The following CUL5 variants were observed in gnomAD, a reference collection of about 807,000 sequenced individuals.
CUL5 encodes the protein cullin-5.
CUL5 carries 26 observed loss-of-function variants against 108.8 expected under a neutral mutation model. That is an observed-to-expected ratio of 0.24 (90% CI 0.18 to 0.33). The LOEUF (loss-of-function observed/expected upper bound fraction) is 0.33, where lower values mean the gene tolerates loss of function less well. Ranked by LOEUF, CUL5 falls within the 10% of genes least tolerant of loss-of-function variation. The pLI is 1.00. For synonymous variants in CUL5, 334 were observed against 298.0 expected, an observed-to-expected ratio of 1.12 and a Z score of -1.25; for missense variants, 524 against 909.2, an observed-to-expected ratio of 0.58 and a Z score of 5.45.
rs115826471 is a variant in CUL5 at position 108,098,260 on chromosome 11, C to T, written c.2025-146C>T. On this transcript the variant is annotated intron_variant, in intron 17 of 18. Transcript: ENST00000393094. ...AAAATACATAGAGTTTGTTTTAAAGCAATATGTAGGTTATTTGTCATTTAA... is the reference window on the plus strand; with the variant it reads ...AAAATACATAGAGTTTGTTTTAAAGTAATATGTAGGTTATTTGTCATTTAA... The T allele has an allele frequency of 2.1e-4, 133 of 637,006 alleles. No homozygotes were observed. In the African/African-American group the frequency reaches 2.4e-3, roughly 12 times the overall value. The allele number at this position is 637,006 out of a possible 1,614,324, so 39.5% of individuals were successfully genotyped here.
chr11:108,076,353 A>G (rs1481027213), intron 10 of CUL5, among the ~76,000 whole-genome samples: 2 of 152,094 alleles, frequency 1.3e-5, no homozygotes, highest in Non-Finnish European at 2.9e-5. Context: ...TTTACTACCT[A>G]TAGTTCTCAT....
intron 3 of CUL5, among the ~76,000 whole-genome samples, chr11:108,046,767 ACT>A (rs1387292945): frequency 6.6e-6 from 1 of 152,080 alleles, no homozygotes. Flanking sequence ...ATTTATTTAG[ACT>A]GTCCTTTGTA....
chr11:108,028,035 A>T (rs1245639368), intron 1 of CUL5, among the ~76,000 whole-genome samples: 1 of 152,144 alleles, frequency 6.6e-6, no homozygotes, highest in Non-Finnish European at 1.5e-5. Flanking sequence ...CTCCATCTTT[A>T]TGTATCACTT....
chr11:108,084,208 G>C (rs1864170168), intron 11 of CUL5, among the ~76,000 whole-genome samples: 1 of 152,128 alleles, frequency 6.6e-6, no homozygotes. Flanking sequence ...AGAACAACTA[G>C]AAAATCAGGT....
Position 108,046,357 on chromosome 11 carries a change from G to A in CUL5, c.222G>A (p.Lys74=). ...AAGAAGATATTCTTGAGTTTATTAAGCAAGCACAGGCAGTAAGTTCTACAT... is the reference window on the plus strand; with the variant it reads ...AAGAAGATATTCTTGAGTTTATTAAACAAGCACAGGCAGTAAGTTCTACAT... ...ALKEDILEFI[K]QAQARVLSHQ... Residue 74 remains lysine (K), a synonymous_variant, in exon 3 of 19, where the codon AAG becomes AAA. Coordinates refer to ENST00000393094, the MANE Select transcript of CUL5 (RefSeq NM_003478.6). The A allele has an allele frequency of 3.7e-6, 6 of 1,600,080 alleles. No individual in the cohort carries two copies. Among genetic ancestry groups the A allele is most frequent in the Non-Finnish European group, 4.3e-6 (5 of 1,168,218 alleles).
At chr11:108,061,123 GT>G (rs1392062729) in intron 7 of CUL5, among the ~76,000 whole-genome samples, 1 of 152,120 alleles carries the variant, frequency 6.6e-6, no homozygotes, top group Non-Finnish European at 1.5e-5. Context: ...ATGGCAAAAA[GT>G]TTTTTTCTTC....
At chr11:108,051,076 G>A (rs1863208423) in intron 4 of CUL5, among the ~76,000 whole-genome samples, 1 of 152,148 alleles carries the variant, frequency 6.6e-6, no homozygotes, top group Non-Finnish European at 1.5e-5. Context: ...CATTACAATA[G>A]TGTAACCTGG....
At chr11:108,048,648 CTTTT>C (rs200991204) in intron 3 of CUL5, among the ~76,000 whole-genome samples, 3 of 116,864 alleles carry the variant, frequency 2.6e-5, no homozygotes, top group Non-Finnish European at 5.1e-5. Flanking sequence ...ACTCCACCAC[CTTTT>C]TTTTTTTTTT....
chr11:108,016,089 A>G (rs188391176), intron 1 of CUL5, among the ~76,000 whole-genome samples: 3 of 151,910 alleles, frequency 2.0e-5, no homozygotes, highest in East Asian at 1.9e-4. Flanking sequence ...AGGTCTGGCT[A>G]ATTTTTTATA....
intron 7 of CUL5, among the ~76,000 whole-genome samples, chr11:108,056,059 A>G (rs1385406195): frequency 6.6e-6 from 1 of 152,222 alleles, no homozygotes; most frequent in Non-Finnish European, 1.5e-5. Context: ...GATTATGGGC[A>G]TGAGCCACAA....
chr11:108,065,291 G>A (rs1205141769), intron 7 of CUL5, among the ~76,000 whole-genome samples: 1 of 152,112 alleles, frequency 6.6e-6, no homozygotes, highest in East Asian at 1.9e-4. Context: ...GCAAAGTGCT[G>A]GGATTACAGG....
chr11:108,019,560 C>G (rs187628999), intron 1 of CUL5, among the ~76,000 whole-genome samples: 2 of 152,246 alleles, frequency 1.3e-5, no homozygotes, highest in East Asian at 3.9e-4. Flanking sequence ...TTCCTATTGT[C>G]TGGCAATGTT....
chr11:108,088,377 G>C (rs1368089195), intron 11 of CUL5, 150 bp from the exon 12 acceptor site: 12 of 717,424 alleles, frequency 1.7e-5, no homozygotes, highest in Non-Finnish European at 2.4e-5. Context: ...CCCTAAATTA[G>C]GCACCCTAGG....
At chr11:108,074,615 A>G (rs911658342) in intron 10 of CUL5, among the ~76,000 whole-genome samples, 1 of 151,852 alleles carries the variant, frequency 6.6e-6, no homozygotes, top group Admixed American at 6.6e-5. Context: ...GATCAGCCTG[A>G]TCAACATGGA....
At position 108,107,246 on chromosome 11, in the gene CUL5, CTTTTTA is replaced by C. The variant is rs919615182; in HGVS notation, c.*2865_*2870del. The stretch of plus-strand genomic sequence containing the variant: ...TGAAATGTTAGCTTTCTTTCTTTTA[CTTTTTA>C]TTAAATTTAATAGAAAATATGACCT... On this transcript the variant is annotated 3_prime_UTR_variant, in exon 19 of 19. Transcript: ENST00000393094. 9 of 152,130 alleles carry C rather than the reference CTTTTTA, an allele frequency of 5.9e-5. No individual in the cohort carries two copies. Among genetic ancestry groups the C allele is most frequent in the Admixed American group, 5.9e-4 (9 of 15,242 alleles). 9.4% of individuals were successfully genotyped at this position (152,130 alleles called of 1,614,324 possible).
rs1024980617 is a variant in CUL5 at position 108,104,838 on chromosome 11, C to G, written c.*454C>G. The G allele has an allele frequency of 3.9e-5, 6 of 152,718 alleles. No individual in the cohort carries two copies. Among genetic ancestry groups the G allele is most frequent in the African/African-American group, 1.4e-4 (6 of 41,456 alleles). The allele number at this position is 152,718 out of a possible 1,614,324, so 9.5% of individuals were successfully genotyped here. A position where few individuals can be genotyped will look rare whatever the true frequency, so the allele number is the denominator to read the frequency against. ...AATGCAATTAAAACTAGAAATAGCACTCTTGGTTTCTTTTGATGAAAAGAG... is the reference window on the plus strand; with the variant it reads ...AATGCAATTAAAACTAGAAATAGCAGTCTTGGTTTCTTTTGATGAAAAGAG... On this transcript the variant is annotated 3_prime_UTR_variant, in exon 19 of 19. Transcript: ENST00000393094.
At chr11:108,026,787 G>A (rs1382158155) in intron 1 of CUL5, among the ~76,000 whole-genome samples, 1 of 151,894 alleles carries the variant, frequency 6.6e-6, no homozygotes, top group African/African-American at 2.4e-5. Context: ...TCAGGAGTTC[G>A]AGACCACCCT....
chr11:108,015,029 G>A (rs1369747616), intron 1 of CUL5, among the ~76,000 whole-genome samples: 1 of 152,158 alleles, frequency 6.6e-6, no homozygotes, highest in Non-Finnish European at 1.5e-5. Context: ...CTCCCGAGTA[G>A]TTGGGATTAC....
intron 2 of CUL5, among the ~76,000 whole-genome samples, chr11:108,040,655 C>T (rs1389393498): frequency 6.7e-6 from 1 of 149,208 alleles, no homozygotes; most frequent in African/African-American, 2.5e-5. Context: ...CGTGGTGGCA[C>T]GTGCCTGTAG....
Sources: gnomAD v4.1 joint callset for allele counts (sites outside exome capture counted in the v4.1 genomes callset) on GRCh38, gnomAD v4.1.1 for gene constraint, MANE v1.5 for transcripts, NCBI Gene and HGNC (gene_info 2026-07-23, HGNC 2026-07-21) for gene names.